Variants in NUP160 observed in about 807,000 individuals in gnomAD.
The protein encoded by NUP160 is nucleoporin 160, also known as nuclear pore complex protein Nup160.
In NUP160, 94 loss-of-function variants were observed where a neutral mutation model predicts 196.9. The ratio of observed to expected loss-of-function variants is 0.48; its 90% confidence interval spans 0.40 to 0.57. The LOEUF (loss-of-function observed/expected upper bound fraction) is 0.57. NUP160 is among the 20% of genes least tolerant of loss of function. The probability of loss-of-function intolerance (pLI) is 0.00; values close to 1 mark genes in which losing one functional copy is unlikely to be tolerated. For synonymous variants in NUP160, 605 were observed against 619.7 expected, an observed-to-expected ratio of 0.98 and a Z score of 0.35; for missense variants, 1,638 against 1,748.3, an observed-to-expected ratio of 0.94 and a Z score of 1.13.
At chr11:47,838,701 C>T (rs1852232117) in intron 4 of NUP160, among the ~76,000 whole-genome samples, 1 of 151,076 alleles carries the variant, frequency 6.6e-6, no homozygotes, top group Non-Finnish European at 1.5e-5. Context: ...CAGTGAGACT[C>T]TGTCTCAAAA....
rs561093347 is a variant in NUP160, at chr11:47,786,625, T to G, written c.3747-71A>C. On this transcript the variant is annotated intron_variant, in intron 31 of 35. Transcript: ENST00000378460. ...TACCACTTTAATTTGATACTAAAAC[T>G]AGAGAGATAGATGACAACTTCATCT... is the stretch of plus-strand genomic sequence containing the variant. The G allele has an allele frequency of 7.8e-6, 7 of 897,408 alleles. No individual in the cohort carries two copies. In the African/African-American group the frequency reaches 9.7e-5, roughly 12 times the overall value. The allele number at this position is 897,408 out of a possible 1,614,324, so 55.6% of individuals were successfully genotyped here.
chr11:47,817,891 T>A (rs1036638666), intron 11 of NUP160, among the ~76,000 whole-genome samples, 165 bp downstream of exon 11: 1 of 152,160 alleles, frequency 6.6e-6, no homozygotes, highest in Non-Finnish European at 1.5e-5. Flanking sequence ...ATACTGTATT[T>A]AATGGAAAGA....
intron 9 of NUP160, 161 bp downstream of exon 9, chr11:47,821,563 T>C (rs960507239): frequency 1.1e-5 from 6 of 561,820 alleles, no homozygotes; most frequent in Non-Finnish European, 1.9e-5. Context: ...GGGGTTTCTG[T>C]TGCCCAGCCT....
intron 2 of NUP160, among the ~76,000 whole-genome samples, chr11:47,843,121 G>A (rs1852337829): frequency 6.6e-6 from 1 of 152,054 alleles, no homozygotes. Context: ...ACTGCACATA[G>A]ATATATTATT....
exon 1 of NUP160, chr11:47,848,242 C>A: frequency 6.2e-7 from 1 of 1,614,174 alleles, no homozygotes; most frequent in Non-Finnish European, 8.5e-7. Context: ...TGTGAATTCC[C>A]GAAAGTGCCT....
intron 7 of NUP160, among the ~76,000 whole-genome samples, chr11:47,829,597 G>A (rs752728701): frequency 2.6e-5 from 4 of 152,142 alleles, no homozygotes; most frequent in East Asian, 1.9e-4. Flanking sequence ...ATGAGCCACC[G>A]CACTGGCCTG....
chr11:47,848,367 G>A lies in NUP160; in HGVS notation c.54C>T (p.Thr18=), dbSNP rs1285830174. ...CAACGGAACAAAGGCAGGGCCGCGC[G>A]GTCGCCGTCACTTCCGGGGGTGGGG... Residue 18 remains threonine, a synonymous_variant, in exon 1 of 36, where the codon ACC becomes ACT. Transcript: ENST00000378460. 1 of 1,610,348 alleles carries A rather than the reference G, an allele frequency of 6.2e-7. No homozygotes were observed. The highest frequency in any genetic ancestry group is 8.5e-7 in the Non-Finnish European group (1 of 1,178,614).
intron 7 of NUP160, among the ~76,000 whole-genome samples, chr11:47,823,336 A>T (rs1421038813): frequency 6.6e-6 from 1 of 152,114 alleles, no homozygotes; most frequent in Non-Finnish European, 1.5e-5. Flanking sequence ...CTCTATACTC[A>T]ATAAACAATT....
chr11:47,808,119 CA>C (rs1282381857), intron 18 of NUP160, among the ~76,000 whole-genome samples: 1 of 152,058 alleles, frequency 6.6e-6, no homozygotes, highest in Non-Finnish European at 1.5e-5. Context: ...CCCATCTCTA[CA>C]AAAGTACAAA....
At chr11:47,832,709 T>A (rs1475018251) in intron 7 of NUP160, among the ~76,000 whole-genome samples, 2 of 152,238 alleles carry the variant, frequency 1.3e-5, no homozygotes, top group Non-Finnish European at 2.9e-5. Flanking sequence ...CTGATTTGAG[T>A]TAACAGTAAA....
intron 4 of NUP160, among the ~76,000 whole-genome samples, chr11:47,838,154 G>C (rs1852214355): frequency 6.6e-6 from 1 of 152,182 alleles, no homozygotes; most frequent in South Asian, 2.1e-4. Flanking sequence ...AGGATGGTCA[G>C]GGAAGGCCTC....
intron 2 of NUP160, among the ~76,000 whole-genome samples, chr11:47,846,967 G>A (rs1256519415): frequency 1.3e-5 from 2 of 152,088 alleles, no homozygotes; most frequent in Admixed American, 6.6e-5. Context: ...ATGCAATTTT[G>A]ATGTTAGTAA....
intron 31 of NUP160, among the ~76,000 whole-genome samples, chr11:47,787,964 C>A (rs1012385938): frequency 3.3e-5 from 5 of 152,054 alleles, no homozygotes; most frequent in Admixed American, 3.3e-4. Context: ...CCTCGTGATC[C>A]GCCCGCCTCG....
At chr11:47,844,375 A>C (rs1203192270) in intron 2 of NUP160, among the ~76,000 whole-genome samples, 1 of 152,160 alleles carries the variant, frequency 6.6e-6, no homozygotes, top group Non-Finnish European at 1.5e-5. Flanking sequence ...TCAGAGCAAA[A>C]GCCAAAGCTT....
At chr11:47,784,654 G>A (rs60147425) in intron 33 of NUP160, 7,415 of 215,730 alleles carry the variant, frequency 0.034, 232 homozygotes, top group African/African-American at 0.076. Context: ...CCCAAAGTAC[G>A]TAAGTCAATA....
At chr11:47,800,517 T>G (rs1156485183) in intron 23 of NUP160, among the ~76,000 whole-genome samples, 1 of 151,712 alleles carries the variant, frequency 6.6e-6, no homozygotes, top group Non-Finnish European at 1.5e-5. Context: ...CTCAGGCTCC[T>G]AAGTAGCTGG....
At chr11:47,818,161 A>C in intron 10 of NUP160, 37 bp from the exon 11 acceptor site, 1 of 1,445,408 alleles carries the variant, frequency 6.9e-7, no homozygotes, top group Non-Finnish European at 9.7e-7. Flanking sequence ...CTATTGTCCT[A>C]AACAAAATTT....
chr11:47,806,114 A>G (rs368664026), intron 20 of NUP160, 39 bp downstream of exon 20: 24 of 1,601,912 alleles, frequency 1.5e-5, no homozygotes, highest in African/African-American at 4.0e-5. Flanking sequence ...ATGCCCGGCC[A>G]GAAGAGAGCT....
chr11:47,810,404 T>A (rs1435207945), intron 17 of NUP160, among the ~76,000 whole-genome samples: 1 of 152,048 alleles, frequency 6.6e-6, no homozygotes, highest in African/African-American at 2.4e-5. Context: ...TTGCCCAGAC[T>A]GGTCTCAAAC....
Sources: gnomAD v4.1 joint callset for allele counts (sites outside exome capture counted in the v4.1 genomes callset) on GRCh38, gnomAD v4.1.1 for gene constraint, MANE v1.5 for transcripts, NCBI Gene and HGNC (gene_info 2026-07-23, HGNC 2026-07-21) for gene names.